MYT1L: variants seen among roughly 807,000 people sequenced by gnomAD.
MYT1L encodes the protein myelin transcription factor 1 like, also known as myelin transcription factor 1-like protein.
In MYT1L, 12 loss-of-function variants were observed where a neutral mutation model predicts 126.7. The ratio of observed to expected loss-of-function variants is 0.09; its 90% CI spans 0.06 to 0.15. The LOEUF (loss-of-function observed/expected upper bound fraction) is 0.15, where lower values mean the gene tolerates loss of function less well. MYT1L is among the 10% of genes least tolerant of loss of function. The pLI is 1.00. For missense variants in MYT1L, 979 were observed against 1,585.2 expected, an observed-to-expected ratio of 0.62 and a Z score of 6.49; for synonymous variants, 541 against 604.2, an observed-to-expected ratio of 0.90 and a Z score of 1.53.
rs1456534609 is a variant in MYT1L at position 1,912,105 on chromosome 2, C to T, written c.1624G>A (p.Ala542Thr). The T allele has an allele frequency of 6.3e-7, 1 of 1,576,318 alleles. No individual in the cohort carries two copies. The change falls in exon 12 of 25, where the codon GCC becomes ACC. Residue 542 changes from alanine (A) to threonine (T), a missense_variant. Ala to Thr is a moderately conservative substitution (Grantham distance 58, BLOSUM62 0). Coordinates refer to ENST00000647738, the MANE Select transcript of MYT1L (RefSeq NM_001303052.2). The surrounding 1 kb of genome is among the most constrained non-coding windows in gnomAD (Gnocchi z 4.3). ...CACTTGAGGACACTTTCATGCATGG[C>T]AAGGACTTGACAGGGAGAGGCAAAG... ...HKDRVPPEIL[A>T]MHESVLKCPT...
intron 22 of MYT1L, among the ~76,000 whole-genome samples, chr2:1,803,001 A>G (rs774418537): frequency 6.6e-6 from 1 of 152,182 alleles, no homozygotes; most frequent in Non-Finnish European, 1.5e-5. Flanking sequence ...AATCAACCAG[A>G]GGCCGAGGCC....
chr2:2,012,281 C>T (rs1286925542), intron 4 of MYT1L, among the ~76,000 whole-genome samples: 1 of 152,070 alleles, frequency 6.6e-6, no homozygotes, highest in Non-Finnish European at 1.5e-5. Flanking sequence ...TATATATCTG[C>T]CATAAAAAGT....
intron 2 of MYT1L, among the ~76,000 whole-genome samples, chr2:2,272,045 C>T (rs1011654785): frequency 5.3e-5 from 8 of 152,234 alleles, no homozygotes; most frequent in African/African-American, 1.9e-4. Flanking sequence ...CGAGGCCTCG[C>T]CCCACCCAGC....
intron 3 of MYT1L, among the ~76,000 whole-genome samples, chr2:2,130,009 C>T (rs1199155958): frequency 6.6e-6 from 1 of 151,792 alleles, no homozygotes; most frequent in Non-Finnish European, 1.5e-5. Flanking sequence ...TTTTAATTTT[C>T]TACGTGGGAA....
At chr2:1,980,062 C>T (rs1211489958) in intron 5 of MYT1L, among the ~76,000 whole-genome samples, 1 of 151,868 alleles carries the variant, frequency 6.6e-6, no homozygotes, top group South Asian at 2.1e-4. Flanking sequence ...TCTATTTACT[C>T]TCTTTTCAAG....
Position 2,224,378 on chromosome 2 carries a change from T to G in MYT1L, c.-420-51390A>C, listed in dbSNP as rs928157108. ...CCATGGGCTCAGTGTCCCTCAAAAC[T>G]AACATCCCCAAAAAGACCGGAGAGC... On this transcript the variant is annotated intron_variant, in intron 2 of 24. Coordinates refer to ENST00000647738, the MANE Select transcript of MYT1L (RefSeq NM_001303052.2). The surrounding 1 kb of genome is among the most constrained non-coding windows in gnomAD (Gnocchi z 4.0). Among the ~76,000 whole-genome samples the G allele has an allele frequency of 1.3e-4, 19 of 151,972 alleles. No homozygotes were observed. The highest frequency in any genetic ancestry group is 4.6e-4 in the African/African-American group (19 of 41,388).
intron 3 of MYT1L, among the ~76,000 whole-genome samples, chr2:2,115,821 C>T (rs1325850756): frequency 6.6e-6 from 1 of 151,658 alleles, no homozygotes; most frequent in Admixed American, 6.6e-5. Flanking sequence ...GCACCACGTC[C>T]AGTCGACGAA....
At chr2:1,882,752 T>C (rs974095312) in intron 18 of MYT1L, among the ~76,000 whole-genome samples, 1 of 152,212 alleles carries the variant, frequency 6.6e-6, no homozygotes, top group African/African-American at 2.4e-5. Context: ...AAAGCTCACA[T>C]CTCCCTCCAG....
At chr2:2,288,799 G>C (rs1414781589) in intron 1 of MYT1L, among the ~76,000 whole-genome samples, 2 of 152,084 alleles carry the variant, frequency 1.3e-5, no homozygotes, top group Non-Finnish European at 2.9e-5. Flanking sequence ...TATCAGACTA[G>C]AGCCACATAC....
At chr2:1,951,531 A>C (rs959735456) in intron 8 of MYT1L, among the ~76,000 whole-genome samples, 1 of 152,198 alleles carries the variant, frequency 6.6e-6, no homozygotes, top group African/African-American at 2.4e-5. Flanking sequence ...CATCACCCAG[A>C]TCTGAGTGGT....
intron 3 of MYT1L, among the ~76,000 whole-genome samples, chr2:2,103,505 T>A (rs2078360797): frequency 6.6e-6 from 1 of 152,234 alleles, no homozygotes; most frequent in Non-Finnish European, 1.5e-5. Flanking sequence ...CAACAACAGC[T>A]TGGCCATCGG....
chr2:2,220,304 C>T (rs193273327), intron 2 of MYT1L, among the ~76,000 whole-genome samples: 2 of 152,046 alleles, frequency 1.3e-5, no homozygotes, highest in African/African-American at 2.4e-5. Context: ...TTCAGAAAGG[C>T]GGGACAACTC....
intron 3 of MYT1L, among the ~76,000 whole-genome samples, chr2:2,097,298 T>A (rs2077552141): frequency 6.6e-6 from 1 of 152,190 alleles, no homozygotes; most frequent in Non-Finnish European, 1.5e-5. Context: ...CCATCAGGAC[T>A]GCTGCAGCCC....
intron 2 of MYT1L, among the ~76,000 whole-genome samples, chr2:2,180,820 GTA>G (rs2091380787): frequency 6.6e-6 from 1 of 151,418 alleles, no homozygotes; most frequent in African/African-American, 2.4e-5. Context: ...ATACCTGTGT[GTA>G]CCTGTGTGTG....
chr2:2,199,357 T>C (rs11891293), intron 2 of MYT1L, among the ~76,000 whole-genome samples: 6,127 of 152,340 alleles, frequency 0.04, 428 homozygotes, highest in African/African-American at 0.14. Flanking sequence ...ACTTGGGCAC[T>C]GCCTTCTTGC....
At chr2:1,866,870 T>G (rs1166491270) in intron 18 of MYT1L, among the ~76,000 whole-genome samples, 137 of 49,346 alleles carry the variant, frequency 2.8e-3, no homozygotes, top group Admixed American at 6.5e-3. Flanking sequence ...CAGAGAGAGA[T>G]GGGCAGAGAA....
intron 1 of MYT1L, among the ~76,000 whole-genome samples, chr2:2,287,384 T>C (rs1164749327): frequency 6.6e-6 from 1 of 152,202 alleles, no homozygotes; most frequent in Non-Finnish European, 1.5e-5. Flanking sequence ...GTCAGGACCA[T>C]TATCTTTCAA....
chr2:2,060,644 T>C (rs967405306), intron 3 of MYT1L, among the ~76,000 whole-genome samples: 2 of 151,708 alleles, frequency 1.3e-5, no homozygotes, highest in African/African-American at 4.8e-5. Context: ...CTTTCTTCTC[T>C]CGCTGTCTCT....
intron 18 of MYT1L, among the ~76,000 whole-genome samples, chr2:1,860,138 C>A (rs1558783741): frequency 1.3e-5 from 2 of 152,238 alleles, no homozygotes; most frequent in African/African-American, 4.8e-5. Context: ...GCAATAGGCT[C>A]CTGTCCAGTG....
Sources: allele counts gnomAD v4.1 joint callset (sites outside exome capture counted in the v4.1 genomes callset), GRCh38; gene constraint gnomAD v4.1.1; non-coding constraint Gnocchi (gnomAD v3.1); transcripts MANE v1.5; gene names NCBI Gene and HGNC (gene_info 2026-07-23, HGNC 2026-07-21).